The following PPIG variants were observed in gnomAD, a reference collection of about 807,000 sequenced individuals.
PPIG encodes the protein peptidylprolyl isomerase G, also known as peptidyl-prolyl cis-trans isomerase G.
In PPIG, 26 loss-of-function variants were observed where a neutral mutation model predicts 87.9. The observed-to-expected ratio is 0.30, with a 90% CI of 0.22 to 0.41. The LOEUF (loss-of-function observed/expected upper bound fraction) is 0.41. Ranked by LOEUF, PPIG falls within the 10% of genes least tolerant of loss-of-function variation. The pLI, the probability that PPIG is intolerant of heterozygous loss-of-function variation, is 1.00. For synonymous variants in PPIG, 308 were observed against 276.5 expected, an observed-to-expected ratio of 1.11 and a Z score of -1.13; for missense variants, 722 against 879.4, an observed-to-expected ratio of 0.82 and a Z score of 2.26.
At chr2:169,609,735 A>G (rs1468293870) in intron 7 of PPIG, among the ~76,000 whole-genome samples, 4 of 152,164 alleles carry the variant, frequency 2.6e-5, no homozygotes, top group Non-Finnish European at 5.9e-5. Context: ...TCAACTAATA[A>G]ATTTAAACGG....
chr2:169,604,053 G>T lies in PPIG; in HGVS notation c.12G>T (p.Lys4Asn). 1 of 1,613,692 alleles carries T rather than the reference G, an allele frequency of 6.2e-7. No individual in the cohort carries two copies. The highest frequency in any genetic ancestry group is 8.5e-7 in the Non-Finnish European group (1 of 1,179,730). Residue 4 changes from lysine (K) to asparagine (N), a missense_variant, in exon 3 of 14, where the codon AAG (lysine) becomes AAT (asparagine). Lys to Asn is a moderately conservative substitution (Grantham distance 94). Coordinates refer to ENST00000260970, the MANE Select transcript of PPIG (RefSeq NM_004792.3). The part of the protein sequence containing the change: MGI[K>N]VQRPRCFFDI... ...TAAGTATTGGAGCCATGGGAATAAA[G>T]GTTCAACGTCCTCGATGTTTTTTTG...
chr2:169,614,606 A>G lies in PPIG; in HGVS notation c.429A>G (p.Gln143=). 6.2e-7 allele frequency: 1 copy of G among 1,608,214 alleles called. No individual in the cohort carries two copies. The highest frequency in any genetic ancestry group is 8.5e-7 in the Non-Finnish European group (1 of 1,178,590). ...HLDGHHVVFG[Q]VISGQEVVRE... Reference sequence around the variant, plus strand: ...TTAGGCATCATGTTGTTTTTGGACAAGTAATCTCTGGTCAAGAAGTTGTAA... The same window carrying G: ...TTAGGCATCATGTTGTTTTTGGACAGGTAATCTCTGGTCAAGAAGTTGTAA... Residue 143 remains glutamine, a synonymous_variant, in exon 9 of 14, where the codon CAA becomes CAG. Transcript: ENST00000260970.
chr2:169,604,962 C>A (rs1405471858), intron 4 of PPIG, among the ~76,000 whole-genome samples: 1 of 151,822 alleles, frequency 6.6e-6, no homozygotes, highest in Non-Finnish European at 1.5e-5. Flanking sequence ...CTTTGGGGGG[C>A]CGAGGTGGGT....
intron 1 of PPIG, among the ~76,000 whole-genome samples, chr2:169,594,883 A>T (rs139870732): frequency 0.016 from 2,359 of 151,928 alleles, 70 homozygotes; most frequent in African/African-American, 0.054. Flanking sequence ...TGGCCTCCCA[A>T]AGTGCTGGGA....
At chr2:169,630,468 T>G (rs1461644921) in intron 9 of PPIG, among the ~76,000 whole-genome samples, 8 of 152,200 alleles carry the variant, frequency 5.3e-5, no homozygotes, top group Non-Finnish European at 1.5e-5. Context: ...CATGGGACTC[T>G]TCATTGTTAT....
intron 9 of PPIG, among the ~76,000 whole-genome samples, chr2:169,629,398 G>A (rs566404152): frequency 1.3e-5 from 2 of 152,286 alleles, no homozygotes; most frequent in South Asian, 4.1e-4. Context: ...TGTTCAGATT[G>A]TAATTGTTTC....
At chr2:169,635,458 A>G (rs187114157) in intron 12 of PPIG, among the ~76,000 whole-genome samples, 266 of 152,180 alleles carry the variant, frequency 1.7e-3, no homozygotes, top group African/African-American at 6.0e-3. Context: ...TACCCATTCT[A>G]TTATAGCTGC....
intron 9 of PPIG, 30 bp from the exon 10 acceptor site, chr2:169,630,743 GT>G: frequency 6.5e-7 from 1 of 1,548,788 alleles, no homozygotes; most frequent in South Asian, 1.2e-5. Flanking sequence ...TCTAAAAATT[GT>G]TGATCAAAAC....
At chr2:169,622,752 C>T (rs950635194) in intron 9 of PPIG, among the ~76,000 whole-genome samples, 14 of 152,150 alleles carry the variant, frequency 9.2e-5, no homozygotes, top group Non-Finnish European at 1.8e-4. Context: ...CTTCAGTTAC[C>T]ATTCAGAACA....
rs770795961 is a variant in PPIG at position 169,584,442 on chromosome 2, G to A, written c.-118G>A. 2.1e-6 allele frequency: 1 copy of A among 471,136 alleles called. No individual in the cohort carries two copies. Among genetic ancestry groups the A allele is most frequent in the South Asian group, 1.5e-5 (1 of 64,574 alleles). 29.2% of individuals were successfully genotyped at this position (471,136 alleles called of 1,614,324 possible). A position where few individuals can be genotyped will look rare whatever the true frequency, so the allele number is the denominator to read the frequency against. On this transcript the variant is annotated 5_prime_UTR_variant, in exon 1 of 14. Transcript: ENST00000260970. ...CTTTTCTGGCGGCGGTAGATTTGAA[G>A]CGCTTCAAAGGACCGGACCCAGAGA...
intron 11 of PPIG, among the ~76,000 whole-genome samples, chr2:169,632,160 T>G (rs1673870256): frequency 6.6e-6 from 1 of 152,078 alleles, no homozygotes. Context: ...TAATAAACAC[T>G]AATACAAAAA....
At chr2:169,585,814 T>C (rs1045764838) in intron 1 of PPIG, among the ~76,000 whole-genome samples, 4 of 152,150 alleles carry the variant, frequency 2.6e-5, no homozygotes, top group African/African-American at 9.7e-5. Flanking sequence ...TGATATTAAC[T>C]TTCAGTAGTT....
intron 9 of PPIG, among the ~76,000 whole-genome samples, chr2:169,629,012 G>A (rs1308980385): frequency 6.7e-6 from 1 of 149,024 alleles, no homozygotes; most frequent in Non-Finnish European, 1.5e-5. Context: ...AGATGTTCCT[G>A]AGGCTAAGGT....
intron 9 of PPIG, among the ~76,000 whole-genome samples, chr2:169,615,004 GAGA>G (rs1201723550): frequency 6.6e-6 from 1 of 151,830 alleles, no homozygotes; most frequent in Non-Finnish European, 1.5e-5. Flanking sequence ...TTTTTGTGGT[GAGA>G]AGAACACTTA....
intron 9 of PPIG, among the ~76,000 whole-genome samples, chr2:169,630,098 T>C (rs974275948): frequency 7.9e-5 from 12 of 152,098 alleles, no homozygotes; most frequent in African/African-American, 2.9e-4. Context: ...TGTTACACCT[T>C]CTAGCTTCAC....
At chr2:169,614,852 T>C (rs1489352265) in intron 9 of PPIG, 128 bp downstream of exon 9, 2 of 1,118,664 alleles carry the variant, frequency 1.8e-6, no homozygotes, top group Admixed American at 6.4e-5. Flanking sequence ...AAAATGTATT[T>C]CTGTGCTTTT....
intron 1 of PPIG, among the ~76,000 whole-genome samples, chr2:169,589,954 A>G (rs570210144): frequency 6.6e-6 from 1 of 152,182 alleles, no homozygotes; most frequent in Admixed American, 6.5e-5. Context: ...TACTAAAAAT[A>G]CAAAATTAGC....
At position 169,631,700 on chromosome 2, in the gene PPIG, A is replaced by G. The variant is rs528885245; in HGVS notation, c.762-66A>G. ...GATATAAAGGAAAGAAATACCAACA[A>G]TTGGATACTTCCGTAAGGACATAAT... On this transcript the variant is annotated intron_variant, in intron 10 of 13. Transcript: ENST00000260970. 15 of 1,604,430 alleles carry G rather than the reference A, an allele frequency of 9.3e-6. No individual in the cohort carries two copies. The African/African-American group carries it at 2.0e-4, about 22-fold the overall frequency.
rs753444937 is a variant in PPIG at position 169,636,609 on chromosome 2, A to G, written c.1351A>G (p.Lys451Glu). Residue 451 changes from lysine (K) to glutamate (E), a missense_variant, in exon 14 of 14, where the codon AAA (lysine) becomes GAA (glutamate). Physicochemically the swap from Lys to Glu is moderately conservative, Grantham distance 56. This residue lies in a region of PPIG where 476 missense variants were observed against 483.1 expected (regional missense o/e 0.99). Transcript: ENST00000260970. Reference sequence around the variant, plus strand: ...AGAAAAAGATGACAAGTATAAAAACAAAGTGAAGAAAAGGGCCAAATCTAA... The same window carrying G: ...AGAAAAAGATGACAAGTATAAAAACGAAGTGAAGAAAAGGGCCAAATCTAA... ...NSEKDDKYKN[K>E]VKKRAKSKSR... 2.5e-6 allele frequency: 4 copies of G among 1,594,130 alleles called. No homozygotes were observed. Among genetic ancestry groups the G allele is most frequent in the Non-Finnish European group, 3.4e-6 (4 of 1,175,150 alleles).
Sources: gnomAD v4.1 joint callset for allele counts (sites outside exome capture counted in the v4.1 genomes callset) on GRCh38, gnomAD v4.1.1 for gene constraint, gnomAD v4.1.1 regional missense constraint, MANE v1.5 for transcripts, NCBI Gene and HGNC (gene_info 2026-07-23, HGNC 2026-07-21) for gene names.